Variants in WDR7 observed in about 807,000 individuals in gnomAD.
WDR7 encodes the protein WD repeat domain 7.
WDR7 carries 46 observed loss-of-function variants against 169.4 expected under a neutral mutation model. The observed-to-expected ratio is 0.27, with a 90% confidence interval of 0.21 to 0.35. The LOEUF (loss-of-function observed/expected upper bound fraction) is 0.35. WDR7 is among the 10% of genes least tolerant of loss of function. The pLI is 1.00. For missense variants in WDR7, 1,534 were observed against 1,859.3 expected, an observed-to-expected ratio of 0.83 and a Z score of 3.22; for synonymous variants, 612 against 666.8, an observed-to-expected ratio of 0.92 and a Z score of 1.27.
intron 20 of WDR7, among the ~76,000 whole-genome samples, chr18:56,861,783 T>C (rs2045807501): frequency 6.6e-6 from 1 of 152,190 alleles, no homozygotes; most frequent in South Asian, 2.1e-4. Flanking sequence ...TATCATAATA[T>C]TGATCTCTGC....
intron 26 of WDR7, among the ~76,000 whole-genome samples, chr18:57,005,914 G>A (rs943382415): frequency 1.3e-5 from 2 of 152,100 alleles, no homozygotes; most frequent in Admixed American, 6.5e-5. Flanking sequence ...ACCACAGGTT[G>A]GACAAGCTTG....
chr18:56,674,823 C>T (rs1298467068), intron 2 of WDR7, among the ~76,000 whole-genome samples: 1 of 152,028 alleles, frequency 6.6e-6, no homozygotes, highest in Non-Finnish European at 1.5e-5. Context: ...ACATTTAGGT[C>T]TTCGATCCAT....
chr18:56,729,574 A>G (rs1427343804), intron 13 of WDR7, among the ~76,000 whole-genome samples: 2 of 151,986 alleles, frequency 1.3e-5, no homozygotes, highest in East Asian at 3.9e-4. Context: ...GCTTTTAAAC[A>G]TTGTTTTTGT....
At chr18:56,938,392 T>C (rs2046987351) in intron 23 of WDR7, 141 bp from the exon 24 acceptor site, 8 of 1,095,118 alleles carry the variant, frequency 7.3e-6, no homozygotes, top group Non-Finnish European at 8.8e-6. Flanking sequence ...AGTATTGTTT[T>C]TGTAAACAAA....
chr18:56,730,697 C>T (rs1181914840), intron 13 of WDR7, among the ~76,000 whole-genome samples: 2 of 151,940 alleles, frequency 1.3e-5, no homozygotes, highest in South Asian at 2.1e-4. Flanking sequence ...ACCCAGGAGG[C>T]GGAACTTGTA....
chr18:56,672,537 C>T lies in WDR7; in HGVS notation c.22C>T (p.Leu8=). MAGNSLV[L]PIVLWGRKAP... is the part of the protein sequence containing the mutation. ...CACAATGGCAGGAAACAGCCTTGTT[C>T]TACCCATTGTTCTTTGGGGTCGAAA... is the stretch of plus-strand genomic sequence containing the variant. Residue 8 remains leucine, a synonymous_variant, in exon 2 of 28, where the codon CTA becomes TTA. Coordinates refer to ENST00000254442, the MANE Select transcript of WDR7 (RefSeq NM_015285.3). 1.2e-6 allele frequency: 2 copies of T among 1,600,940 alleles called. No individual in the cohort carries two copies. Among genetic ancestry groups the T allele is most frequent in the Non-Finnish European group, 1.7e-6 (2 of 1,173,490 alleles).
intron 14 of WDR7, among the ~76,000 whole-genome samples, chr18:56,742,125 A>G (rs1370955408): frequency 6.6e-6 from 1 of 152,184 alleles, no homozygotes; most frequent in Non-Finnish European, 1.5e-5. Flanking sequence ...TTCCTTGCAA[A>G]TACATTAACA....
At chr18:56,809,105 A>G (rs2044825385) in intron 19 of WDR7, among the ~76,000 whole-genome samples, 1 of 152,008 alleles carries the variant, frequency 6.6e-6, no homozygotes, top group Non-Finnish European at 1.5e-5. Context: ...CTCCTGATGC[A>G]TGATATAAAA....
chr18:56,886,910 C>T (rs2046204528), intron 21 of WDR7, among the ~76,000 whole-genome samples: 1 of 151,934 alleles, frequency 6.6e-6, no homozygotes, highest in Non-Finnish European at 1.5e-5. Flanking sequence ...AAGGACTTGC[C>T]CAACAGGAAA....
chr18:56,691,419 G>A, intron 8 of WDR7, 58 bp downstream of exon 8: 4 of 1,493,808 alleles, frequency 2.7e-6, no homozygotes, highest in South Asian at 2.8e-5. Context: ...CAGAATTTAG[G>A]GTACAACCTG....
At chr18:57,009,540 G>A (rs2048109769) in intron 26 of WDR7, among the ~76,000 whole-genome samples, 4 of 151,934 alleles carry the variant, frequency 2.6e-5, no homozygotes, top group Admixed American at 2.0e-4. Flanking sequence ...TAATTTTTCA[G>A]TTTTAATAAG....
intron 1 of WDR7, among the ~76,000 whole-genome samples, chr18:56,652,953 G>C (rs1244012301): frequency 6.6e-6 from 1 of 152,072 alleles, no homozygotes; most frequent in Non-Finnish European, 1.5e-5. Flanking sequence ...TTTGATATAT[G>C]TTCCGTTTTG....
intron 18 of WDR7, among the ~76,000 whole-genome samples, chr18:56,780,780 A>G (rs1242667303): frequency 6.6e-6 from 1 of 152,264 alleles, no homozygotes; most frequent in Non-Finnish European, 1.5e-5. Flanking sequence ...AGCCTGGTCA[A>G]CAGGGCAACA....
chr18:56,695,005 T>C lies in WDR7; in HGVS notation c.1164T>C (p.Pro388=), dbSNP rs778883846. ...AAGAGGCATTTGATAAACTGAATCC[T>C]TGTCCTGCTGGAATTATAGATCAGC... is the stretch of plus-strand genomic sequence containing the variant. ...SLQEAFDKLN[P]CPAGIIDQLS... is the part of the protein sequence containing the mutation. The change falls in exon 11 of 28, where the codon CCT becomes CCC. Residue 388 remains proline, a synonymous_variant. Transcript: ENST00000254442. The C allele has an allele frequency of 6.2e-7, 1 of 1,614,212 alleles. No homozygotes were observed. Among genetic ancestry groups the C allele is most frequent in the East Asian group, 2.2e-5 (1 of 44,884 alleles).
At chr18:56,911,412 T>A (rs142707824) in intron 21 of WDR7, among the ~76,000 whole-genome samples, 369 of 152,296 alleles carry the variant, frequency 2.4e-3, no homozygotes, top group African/African-American at 8.2e-3. Context: ...TTGCTCATCT[T>A]TTTTCCCCCT....
chr18:56,678,648 C>T (rs1212365918), intron 2 of WDR7, among the ~76,000 whole-genome samples: 2 of 152,138 alleles, frequency 1.3e-5, no homozygotes, highest in African/African-American at 4.8e-5. Context: ...AGGTGCGCGC[C>T]ACCACGCCTG....
At chr18:56,948,353 A>G (rs1052997115) in intron 25 of WDR7, among the ~76,000 whole-genome samples, 4 of 152,164 alleles carry the variant, frequency 2.6e-5, no homozygotes, top group East Asian at 3.8e-4. Flanking sequence ...TATTTGATGT[A>G]TAACCAAGAA....
At chr18:56,724,208 A>ATT in intron 13 of WDR7, among the ~76,000 whole-genome samples, 1 of 50,008 alleles carries the variant, frequency 2.0e-5, no homozygotes, top group Admixed American at 3.6e-4. Flanking sequence ...CATGCCTGGT[A>ATT]ATTTTTTTTT....
intron 5 of WDR7, among the ~76,000 whole-genome samples, chr18:56,683,071 GATC>G (rs1223828824): frequency 1.3e-5 from 2 of 152,210 alleles, no homozygotes; most frequent in Non-Finnish European, 2.9e-5. Flanking sequence ...ATGATGTATA[GATC>G]ATCAGCTTTT....
Sources: gnomAD v4.1 joint callset for allele counts (sites outside exome capture counted in the v4.1 genomes callset) on GRCh38, gnomAD v4.1.1 for gene constraint, MANE v1.5 for transcripts, NCBI Gene and HGNC (gene_info 2026-07-23, HGNC 2026-07-21) for gene names.